The following TRIP12 variants were observed in gnomAD, a reference collection of about 807,000 sequenced individuals.
The protein encoded by TRIP12 is thyroid hormone receptor interactor 12.
TRIP12 carries 25 observed loss-of-function variants against 244.2 expected under a neutral mutation model. The ratio of observed to expected loss-of-function variants is 0.10; its 90% CI spans 0.07 to 0.14. The LOEUF is 0.14. Among genes scored for constraint, TRIP12 ranks in the 10% least tolerant of loss-of-function variants. The probability of loss-of-function intolerance (pLI) is 1.00; values close to 1 mark genes in which losing one functional copy is unlikely to be tolerated. For synonymous variants in TRIP12, 905 were observed against 873.1 expected, an observed-to-expected ratio of 1.04 and a Z score of -0.64; for missense variants, 1,677 against 2,486.4, an observed-to-expected ratio of 0.67 and a Z score of 6.92.
intron 1 of TRIP12, among the ~76,000 whole-genome samples, chr2:229,901,899 A>G (rs1576940356): frequency 6.6e-6 from 1 of 152,250 alleles, no homozygotes; most frequent in Admixed American, 6.5e-5. Context: ...TCCCTGCTAA[A>G]AGAATCCAGC....
chr2:229,814,060 G>C, intron 12 of TRIP12, 29 bp from the exon 13 acceptor site: 1 of 1,550,994 alleles, frequency 6.4e-7, no homozygotes, highest in Non-Finnish European at 8.8e-7. Flanking sequence ...TTAAGGTAAA[G>C]AAAAATCCTT....
chr2:229,803,748 C>T, intron 19 of TRIP12, 59 bp from the exon 20 acceptor site: 1 of 1,291,862 alleles, frequency 7.7e-7, no homozygotes, highest in South Asian at 1.3e-5. Context: ...TTATTTTTGG[C>T]CATACTACTT....
At chr2:229,919,189 G>A (rs1229866826) in intron 1 of TRIP12, among the ~76,000 whole-genome samples, 15 of 152,166 alleles carry the variant, frequency 9.9e-5, no homozygotes, top group Admixed American at 2.0e-4. Context: ...CAAGGCAGGC[G>A]GATCACCTGA....
rs745873342 is a variant in TRIP12, at chr2:229,807,881, C to T, written c.2340-17G>A. The stretch of plus-strand genomic sequence containing the variant: ...ATAAGTTCACTGAAAACAAAAAGTA[C>T]AATAATTTTAGTAACTTTATGAAAT... On this transcript the variant is annotated splice_polypyrimidine_tract_variant and intron_variant, in intron 16 of 41. Coordinates refer to ENST00000675903, the MANE Select transcript of TRIP12 (RefSeq NM_001348323.3). 6 of 1,603,920 alleles carry T rather than the reference C, an allele frequency of 3.7e-6. No individual in the cohort carries two copies. The highest frequency in any genetic ancestry group is 8.5e-7 in the Non-Finnish European group (1 of 1,173,784).
intron 34 of TRIP12, among the ~76,000 whole-genome samples, chr2:229,784,219 G>C (rs549241143): frequency 1.1e-4 from 17 of 149,680 alleles, no homozygotes; most frequent in Non-Finnish European, 2.2e-4. Context: ...AATAATAACA[G>C]AAAAAAAATC....
chr2:229,896,389 G>C (rs767386740), intron 1 of TRIP12, among the ~76,000 whole-genome samples: 3 of 152,124 alleles, frequency 2.0e-5, no homozygotes, highest in Non-Finnish European at 4.4e-5. Context: ...TGTAATCCCA[G>C]CACTTTGAGA....
chr2:229,864,160 C>A (rs1250413196), intron 2 of TRIP12, among the ~76,000 whole-genome samples: 1 of 151,302 alleles, frequency 6.6e-6, no homozygotes, highest in Non-Finnish European at 1.5e-5. Context: ...CATGTCTCTG[C>A]AAAATTATCC....
In TRIP12 at chr2:229,792,079, A is replaced by C; in HGVS notation, c.4216-14T>G. The C allele has an allele frequency of 6.2e-7, 1 of 1,614,016 alleles. No individual in the cohort carries two copies. The highest frequency in any genetic ancestry group is 8.5e-7 in the Non-Finnish European group (1 of 1,179,958). On this transcript the variant is annotated splice_polypyrimidine_tract_variant and intron_variant, in intron 28 of 41. Transcript: ENST00000675903. ...GAACTGAGCAGCCTGAATAAAGCAA[A>C]GCAAAAGCCATTTAAGCCAAAGGCC... is the stretch of plus-strand genomic sequence containing the variant.
chr2:229,889,987 A>C (rs982741357), intron 1 of TRIP12, among the ~76,000 whole-genome samples: 9 of 152,180 alleles, frequency 5.9e-5, no homozygotes, highest in East Asian at 1.9e-4. Context: ...AGACACACAT[A>C]ATAAGGCAAT....
At chr2:229,854,612 G>C (rs1332263287) in intron 4 of TRIP12, among the ~76,000 whole-genome samples, 1 of 152,082 alleles carries the variant, frequency 6.6e-6, no homozygotes, top group Non-Finnish European at 1.5e-5. Flanking sequence ...AACATTTTTG[G>C]CTCTACTCCT....
rs774633327 is a variant in TRIP12 at position 229,810,992 on chromosome 2, C to G, written c.2109G>C (p.Leu703=). Reference sequence around the variant, plus strand: ...TTAAAATGGGTGGAGTCACTACCAACAGCTGTTGAACATTTGTAAGCAGAT... The same window carrying G: ...TTAAAATGGGTGGAGTCACTACCAAGAGCTGTTGAACATTTGTAAGCAGAT... ...SKDLLTNVQQ[L]LVVTPPILSS... The change falls in exon 15 of 42, where the codon CTG becomes CTC. Residue 703 remains leucine, a synonymous_variant. Transcript: ENST00000675903. 1.9e-6 allele frequency: 3 copies of G among 1,614,124 alleles called. No homozygotes were observed. The highest frequency in any genetic ancestry group is 1.7e-6 in the Non-Finnish European group (2 of 1,179,998).
chr2:229,815,401 G>A (rs551182909), intron 9 of TRIP12, 93 bp from the exon 10 acceptor site: 21 of 736,910 alleles, frequency 2.8e-5, no homozygotes, highest in Non-Finnish European at 4.6e-5. Flanking sequence ...CAACTGAAAT[G>A]GAAGTATTAT....
Position 229,859,427 on chromosome 2 carries a change from C to T in TRIP12, c.372G>A (p.Arg124=). The T allele has an allele frequency of 6.2e-7, 1 of 1,614,074 alleles. No individual in the cohort carries two copies. Reference sequence around the variant, plus strand: ...TTTTTGCAGAGCTAGGAGAATTGGTCCTGTTGTAGTCTGGACTAGCACTGC... The same window carrying T: ...TTTTTGCAGAGCTAGGAGAATTGGTTCTGTTGTAGTCTGGACTAGCACTGC... The part of the protein sequence containing the change: ...VKRSASPDYN[R]TNSPSSAKKP... The change falls in exon 4 of 42, where the codon AGG becomes AGA. Residue 124 remains arginine, a synonymous_variant. Transcript: ENST00000675903.
chr2:229,855,045 C>CT (rs1475342556), intron 4 of TRIP12, among the ~76,000 whole-genome samples: 1 of 152,214 alleles, frequency 6.6e-6, no homozygotes, highest in Non-Finnish European at 1.5e-5. Context: ...GGATGGATCA[C>CT]TTGAGGTCAG....
chr2:229,873,216 C>G (rs900103472), intron 2 of TRIP12, among the ~76,000 whole-genome samples: 1 of 152,178 alleles, frequency 6.6e-6, no homozygotes, highest in Non-Finnish European at 1.5e-5. Flanking sequence ...AGAAAAAGCA[C>G]TCTTTCCCCT....
intron 4 of TRIP12, 95 bp downstream of exon 4, chr2:229,858,675 TGG>T (rs1454084521): frequency 3.8e-6 from 4 of 1,046,406 alleles, no homozygotes; most frequent in Non-Finnish European, 5.4e-6. Flanking sequence ...TATCTAAGAC[TGG>T]GGGGAAAAAA....
chr2:229,784,386 T>C (rs1020809332), intron 34 of TRIP12, among the ~76,000 whole-genome samples: 5 of 148,596 alleles, frequency 3.4e-5, no homozygotes, highest in African/African-American at 1.2e-4. Flanking sequence ...TATATATATA[T>C]AAATTAACTT....
chr2:229,913,467 T>C (rs1279445093), intron 1 of TRIP12, among the ~76,000 whole-genome samples: 2 of 152,262 alleles, frequency 1.3e-5, no homozygotes, highest in Admixed American at 6.5e-5. Context: ...TTGATAAATA[T>C]GTATTGATAA....
At chr2:229,859,612 G>C in intron 3 of TRIP12, 38 bp from the exon 4 acceptor site, 2 of 1,568,706 alleles carry the variant, frequency 1.3e-6, no homozygotes, top group Non-Finnish European at 1.7e-6. Context: ...ATATCAGCCT[G>C]TCATAATTAC....
Sources: gnomAD v4.1 joint callset for allele counts (sites outside exome capture counted in the v4.1 genomes callset) on GRCh38, gnomAD v4.1.1 for gene constraint, MANE v1.5 for transcripts, NCBI Gene and HGNC (gene_info 2026-07-23, HGNC 2026-07-21) for gene names.